The following RIPOR2 variants were observed in gnomAD, a reference collection of about 807,000 sequenced individuals.
RIPOR2 encodes rho family-interacting cell polarization regulator 2.
A neutral mutation model predicts 114.5 loss-of-function variants in RIPOR2; 39 were observed. The observed-to-expected ratio is 0.34, with a 90% CI of 0.26 to 0.44. The LOEUF (loss-of-function observed/expected upper bound fraction) is 0.44. Ranked by LOEUF, RIPOR2 falls within the 20% of genes least tolerant of loss-of-function variation. RIPOR2 has a pLI of 1.00. For synonymous variants in RIPOR2, 445 were observed against 484.4 expected (o/e 0.92, Z 1.07); for missense variants, 1,007 against 1,255.1 (o/e 0.80, Z 2.99).
intron 14 of RIPOR2, among the ~76,000 whole-genome samples, chr6:24,838,793 T>TA (rs1001207360): frequency 1.3e-5 from 2 of 151,100 alleles, no homozygotes; most frequent in East Asian, 1.9e-4. Flanking sequence ...GACTACGTCT[T>TA]AAAAAAAAAT....
At position 24,858,298 on chromosome 6, in the gene RIPOR2, T is replaced by C. The variant is rs1763694150; in HGVS notation, c.715+2675A>G. ...CACTCAGTAAGTACTTGCTCTATTA[T>C]CTTTAATGTCACTACCCCAAAAGGT... On this transcript the variant is annotated intron_variant, in intron 8 of 21. Coordinates refer to ENST00000643898, the MANE Select transcript of RIPOR2 (RefSeq NM_001286445.3). The surrounding 1 kb of genome is among the most constrained non-coding windows in gnomAD (Gnocchi z 4.0). 2.0e-5 allele frequency among the ~76,000 whole-genome samples: 3 copies of C among 152,180 alleles called. No homozygotes were observed. The highest frequency in any genetic ancestry group is 7.2e-5 in the African/African-American group (3 of 41,440).
intron 1 of RIPOR2, among the ~76,000 whole-genome samples, chr6:24,905,062 A>T (rs188662384): frequency 1.3e-5 from 2 of 152,286 alleles, no homozygotes; most frequent in Admixed American, 1.3e-4. Context: ...GGTGTAAGCC[A>T]CCGCGCCCGG....
intron 1 of RIPOR2, among the ~76,000 whole-genome samples, chr6:24,947,203 C>T (rs1020935008): frequency 2.0e-4 from 31 of 152,034 alleles, no homozygotes; most frequent in South Asian, 6.2e-4. Flanking sequence ...CTCTGGGTGC[C>T]TATCAATGCT....
chr6:24,928,454 T>G (rs913824397), intron 1 of RIPOR2, among the ~76,000 whole-genome samples: 1 of 152,166 alleles, frequency 6.6e-6, no homozygotes, highest in Non-Finnish European at 1.5e-5. Flanking sequence ...TTATAGAGAA[T>G]AAAAAAATTA....
At chr6:25,040,597 T>C (rs1423799068) in intron 1 of RIPOR2, among the ~76,000 whole-genome samples, 1 of 151,440 alleles carries the variant, frequency 6.6e-6, no homozygotes, top group Non-Finnish European at 1.5e-5. Context: ...TCTTGCTTTT[T>C]TTTTTTTTTT....
chr6:25,023,106 G>A, intron 1 of RIPOR2: 1 of 457,910 alleles, frequency 2.2e-6, no homozygotes, highest in Non-Finnish European at 4.2e-6. Context: ...AGGGGACCAG[G>A]GAACAAAGCT....
At chr6:24,865,543 T>G in intron 6 of RIPOR2, 93 bp from the exon 7 acceptor site, 1 of 1,090,712 alleles carries the variant, frequency 9.2e-7, no homozygotes, top group Non-Finnish European at 1.3e-6. Context: ...TTTATATTTC[T>G]GACCTCTACA....
At chr6:25,003,372 T>C (rs1026086601) in intron 1 of RIPOR2, among the ~76,000 whole-genome samples, 1 of 149,674 alleles carries the variant, frequency 6.7e-6, no homozygotes, top group African/African-American at 2.4e-5. Context: ...TATCAGTTTT[T>C]CAGAATTAAC....
intron 1 of RIPOR2, among the ~76,000 whole-genome samples, chr6:24,901,986 C>A (rs1768496694): frequency 6.6e-6 from 1 of 152,116 alleles, no homozygotes; most frequent in African/African-American, 2.4e-5. Flanking sequence ...ATCACTGGGA[C>A]TAAAGTATCG....
Position 24,839,288 on chromosome 6 carries a change from G to A in RIPOR2, c.1858-16C>T. 1 of 1,546,190 alleles carries A rather than the reference G, an allele frequency of 6.5e-7. No homozygotes were observed. Among genetic ancestry groups the A allele is most frequent in the Admixed American group, 2.0e-5 (1 of 50,266 alleles). On this transcript the variant is annotated splice_polypyrimidine_tract_variant and intron_variant, in intron 13 of 21. Coordinates refer to ENST00000643898, the MANE Select transcript of RIPOR2 (RefSeq NM_001286445.3). ...CTGGCTTGCACTGTAAAGGCAGAAG[G>A]CACCAGGGAGAACATCAACATATCC...
chr6:24,904,472 T>C (rs1174119993), intron 1 of RIPOR2, among the ~76,000 whole-genome samples: 2 of 152,210 alleles, frequency 1.3e-5, no homozygotes, highest in Admixed American at 6.5e-5. Context: ...TAGAATTAGA[T>C]TGGGCCCAAC....
intron 1 of RIPOR2, among the ~76,000 whole-genome samples, chr6:25,030,478 T>C (rs1776870564): frequency 6.6e-6 from 1 of 152,174 alleles, no homozygotes; most frequent in African/African-American, 2.4e-5. Context: ...TTTTTGGTGA[T>C]TAGAGTTCTT....
intron 1 of RIPOR2, among the ~76,000 whole-genome samples, chr6:24,971,616 G>A (rs986255674): frequency 6.6e-6 from 1 of 152,214 alleles, no homozygotes; most frequent in Non-Finnish European, 1.5e-5. Context: ...GATCTGTTCT[G>A]ACTAAATGAT....
intron 1 of RIPOR2, among the ~76,000 whole-genome samples, chr6:24,977,543 C>T (rs951391278): frequency 2.6e-5 from 4 of 152,046 alleles, no homozygotes; most frequent in Admixed American, 6.6e-5. Context: ...TGAAATAAAG[C>T]ATAGTAGTTC....
At position 24,809,703 on chromosome 6, in the gene RIPOR2, A is replaced by T; in HGVS notation, c.3043+14T>A. 1 of 1,499,634 alleles carries T rather than the reference A, an allele frequency of 6.7e-7. No individual in the cohort carries two copies. The highest frequency in any genetic ancestry group is 9.1e-7 in the Non-Finnish European group (1 of 1,099,244). 92.9% of individuals were successfully genotyped at this position (1,499,634 alleles called of 1,614,324 possible). On this transcript the variant is annotated intron_variant, in intron 21 of 21. Coordinates refer to ENST00000643898, the MANE Select transcript of RIPOR2 (RefSeq NM_001286445.3). ...GAAGCAAACAATCATGTAAACAACA[A>T]CAATAAAACTCACCCAGAGACAAGA...
At chr6:24,933,997 G>C (rs1771585532) in intron 1 of RIPOR2, among the ~76,000 whole-genome samples, 1 of 152,108 alleles carries the variant, frequency 6.6e-6, no homozygotes, top group Admixed American at 6.5e-5. Flanking sequence ...CTTCAGGATG[G>C]GGCCACGCAT....
chr6:24,860,410 G>A (rs553344880), intron 8 of RIPOR2, among the ~76,000 whole-genome samples: 87 of 152,290 alleles, frequency 5.7e-4, no homozygotes, highest in African/African-American at 1.9e-3. Flanking sequence ...GGACCTTGTT[G>A]GGATCCTAAT....
intron 1 of RIPOR2, among the ~76,000 whole-genome samples, chr6:25,000,636 G>A (rs759745309): frequency 1.7e-4 from 26 of 150,656 alleles, no homozygotes; most frequent in Non-Finnish European, 2.8e-4. Context: ...TTTCTGTACT[G>A]CTTTTTCCTT....
At chr6:24,897,454 C>A (rs1016661857) in intron 1 of RIPOR2, among the ~76,000 whole-genome samples, 3 of 152,322 alleles carry the variant, frequency 2.0e-5, no homozygotes, top group Non-Finnish European at 4.4e-5. Context: ...CACCCCTCCC[C>A]CTCCGCCATC....
Sources: gnomAD v4.1 joint callset for allele counts (sites outside exome capture counted in the v4.1 genomes callset) on GRCh38, gnomAD v4.1.1 for gene constraint, Gnocchi (gnomAD v3.1) non-coding constraint, MANE v1.5 for transcripts, NCBI Gene and HGNC (gene_info 2026-07-23, HGNC 2026-07-21) for gene names.